Variants in RNF11 observed in about 807,000 individuals in gnomAD.
RNF11 encodes the protein ring finger protein 11.
RNF11 carries 4 observed loss-of-function variants against 15.8 expected under a neutral mutation model. The ratio of observed to expected loss-of-function variants is 0.25; its 90% CI spans 0.12 to 0.58. The LOEUF (loss-of-function observed/expected upper bound fraction) is 0.58. Ranked by LOEUF, RNF11 falls within the 20% of genes least tolerant of loss-of-function variation. The probability of loss-of-function intolerance (pLI) is 0.91; values close to 1 mark genes in which losing one functional copy is unlikely to be tolerated. For synonymous variants in RNF11, 68 were observed against 72.3 expected (o/e 0.94, Z 0.30); for missense variants, 139 against 194.4 (o/e 0.71, Z 1.70).
intron 1 of RNF11, among the ~76,000 whole-genome samples, chr1:51,253,039 T>G (rs1646888139): frequency 6.6e-6 from 1 of 151,978 alleles, no homozygotes. Flanking sequence ...TCAGCCAGGC[T>G]TGTCTCAAAA....
chr1:51,247,158 TGTGA>T (rs1330018302), intron 1 of RNF11, among the ~76,000 whole-genome samples: 9 of 151,918 alleles, frequency 5.9e-5, no homozygotes, highest in African/African-American at 1.2e-4. Flanking sequence ...TCAGTGGAAA[TGTGA>T]GTGAAAGATT....
chr1:51,270,502 A>G (rs1646973561), intron 2 of RNF11, among the ~76,000 whole-genome samples: 1 of 152,012 alleles, frequency 6.6e-6, no homozygotes, highest in African/African-American at 2.4e-5. Context: ...AATCCCAACC[A>G]CTTGGGAGGC....
At chr1:51,237,759 T>C (rs1467917528) in intron 1 of RNF11, among the ~76,000 whole-genome samples, 1 of 152,142 alleles carries the variant, frequency 6.6e-6, no homozygotes, top group Non-Finnish European at 1.5e-5. Flanking sequence ...TGAAAACCTT[T>C]CCTGTACTTT....
chr1:51,252,990 A>AT (rs1202588926), intron 1 of RNF11, among the ~76,000 whole-genome samples: 1 of 151,494 alleles, frequency 6.6e-6, no homozygotes, highest in Non-Finnish European at 1.5e-5. Context: ...CGCGCGGCTA[A>AT]TTTTTTTGTA....
At chr1:51,238,731 C>CTT (rs113178945) in intron 1 of RNF11, among the ~76,000 whole-genome samples, 3,135 of 147,130 alleles carry the variant, frequency 0.021, 91 homozygotes, top group African/African-American at 0.065. Flanking sequence ...GCTTATTTAA[C>CTT]TTTTTTTTTT....
At chr1:51,238,699 A>G (rs1427847730) in intron 1 of RNF11, among the ~76,000 whole-genome samples, 6 of 151,644 alleles carry the variant, frequency 4.0e-5, no homozygotes, top group African/African-American at 9.7e-5. Flanking sequence ...TTTCCCTCCT[A>G]TGTTTACTAT....
At chr1:51,266,477 C>CT (rs2148074460) in intron 1 of RNF11, among the ~76,000 whole-genome samples, 1 of 149,684 alleles carries the variant, frequency 6.7e-6, no homozygotes, top group East Asian at 2.0e-4. Context: ...AGCAGTTTTT[C>CT]TTTTTTCTTT....
rs1646877462 is a variant in RNF11 at position 51,251,382 on chromosome 1, A to T, written c.123+14503A>T. 30 of 1,443,078 alleles carry T rather than the reference A, an allele frequency of 2.1e-5. No individual in the cohort carries two copies. In the South Asian group the frequency reaches 3.6e-4, roughly 17 times the overall value. The allele number at this position is 1,443,078 out of a possible 1,614,324, so 89.4% of individuals were successfully genotyped here. ...TCTACGGCTGCGACCCCGGCCCCGG[A>T]TGCCACTGCCGAAACCTCCGCGGAA... On this transcript the variant is annotated intron_variant, in intron 1 of 2. Transcript: ENST00000242719.
intron 1 of RNF11, among the ~76,000 whole-genome samples, chr1:51,258,620 C>G (rs1372086400): frequency 6.6e-6 from 1 of 152,192 alleles, no homozygotes; most frequent in African/African-American, 2.4e-5. Flanking sequence ...CATAAATTAT[C>G]AGAAATACCC....
At position 51,253,382 on chromosome 1, in the gene RNF11, G is replaced by C. The variant is rs982015034; in HGVS notation, c.123+16503G>C. ...TCTACAAATAATATAAAAAAGTTAG[G>C]TGTGGTGGCATGCACCTGTAGTCCC... On this transcript the variant is annotated intron_variant, in intron 1 of 2. Transcript: ENST00000242719. Among the ~76,000 whole-genome samples, 4 of 151,898 alleles carry C rather than the reference G, an allele frequency of 2.6e-5. No individual in the cohort carries two copies. In the South Asian group the frequency reaches 8.3e-4, roughly 32 times the overall value.
intron 1 of RNF11, chr1:51,265,323 C>G (rs79532041): frequency 1.1e-4 from 16 of 140,192 alleles, no homozygotes. Context: ...GACCCTGTCT[C>G]CAAAAAAAAA....
intron 1 of RNF11, among the ~76,000 whole-genome samples, chr1:51,237,999 T>C (rs1646812662): frequency 6.6e-6 from 1 of 151,938 alleles, no homozygotes; most frequent in Non-Finnish European, 1.5e-5. Context: ...AAAATTCTTC[T>C]GGGGGCATTT....
At chr1:51,253,554 C>G (rs4926886) in intron 1 of RNF11, among the ~76,000 whole-genome samples, 149,976 of 151,212 alleles carry the variant, frequency 0.99, 74,388 homozygotes, top group East Asian at 1. Context: ...GTGGGGGAAA[C>G]GAAATAAAGA....
intron 1 of RNF11, among the ~76,000 whole-genome samples, chr1:51,247,280 A>G (rs1319478391): frequency 1.3e-5 from 2 of 151,700 alleles, no homozygotes; most frequent in Non-Finnish European, 2.9e-5. Context: ...CACAGGTATG[A>G]TCATAGCACA....
rs150483414 is a variant in RNF11, at chr1:51,244,387, T to G, written c.123+7508T>G. On this transcript the variant is annotated intron_variant, in intron 1 of 2. Transcript: ENST00000242719. ...ATATATTTTTTGAATTTGTTTTTTT[T>G]TTTGTTTGTTTGTTTGAGACGAAGT... Among the ~76,000 whole-genome samples, 562 of 152,278 alleles carry G rather than the reference T, an allele frequency of 3.7e-3. 3 individuals carry two copies. Among genetic ancestry groups the G allele is most frequent in the African/African-American group, 8.0e-3 (334 of 41,564 alleles).
At chr1:51,254,534 A>G (rs550848319) in intron 1 of RNF11, among the ~76,000 whole-genome samples, 1 of 152,038 alleles carries the variant, frequency 6.6e-6, no homozygotes, top group Admixed American at 6.6e-5. Flanking sequence ...ATCTCGGCTC[A>G]CTGCAAGCTC....
intron 1 of RNF11, among the ~76,000 whole-genome samples, chr1:51,241,349 C>T (rs1646828353): frequency 6.6e-6 from 1 of 152,188 alleles, no homozygotes; most frequent in South Asian, 2.1e-4. Flanking sequence ...AATTATAGTG[C>T]ATTGCAGCCT....
intron 1 of RNF11, among the ~76,000 whole-genome samples, chr1:51,252,367 G>C (rs974771784): frequency 6.6e-6 from 1 of 152,044 alleles, no homozygotes; most frequent in Non-Finnish European, 1.5e-5. Context: ...GTCTTGGGAA[G>C]CCAAGACAGA....
At chr1:51,238,088 C>A (rs1646813104) in intron 1 of RNF11, among the ~76,000 whole-genome samples, 1 of 152,200 alleles carries the variant, frequency 6.6e-6, no homozygotes, top group Admixed American at 6.5e-5. Context: ...GTTCTATATT[C>A]CAGGCCTACC....
Sources: gnomAD v4.1 joint callset for allele counts (sites outside exome capture counted in the v4.1 genomes callset) on GRCh38, gnomAD v4.1.1 for gene constraint, MANE v1.5 for transcripts, NCBI Gene and HGNC (gene_info 2026-07-23, HGNC 2026-07-21) for gene names.